The following EBF1 variants were observed in gnomAD, a reference collection of about 807,000 sequenced individuals.
EBF1 encodes EBF transcription factor 1, also known as transcription factor COE1.
In EBF1, 10 loss-of-function variants were observed where a neutral mutation model predicts 68.4. The observed-to-expected ratio is 0.15, with a 90% CI of 0.09 to 0.25. The LOEUF is 0.25. Ranked by LOEUF, EBF1 falls within the 10% of genes least tolerant of loss-of-function variation. The probability of loss-of-function intolerance (pLI) is 1.00; values close to 1 mark genes in which losing one functional copy is unlikely to be tolerated. For synonymous variants in EBF1, 298 were observed against 299.8 expected (o/e 0.99, Z 0.06); for missense variants, 509 against 794.4 (o/e 0.64, Z 4.32).
chr5:159,004,351 TAA>T (rs931827584), intron 6 of EBF1, among the ~76,000 whole-genome samples: 15 of 151,956 alleles, frequency 9.9e-5, no homozygotes, highest in Non-Finnish European at 2.2e-4. Context: ...CTGACTATAT[TAA>T]GTCAGCAAAG....
intron 10 of EBF1, among the ~76,000 whole-genome samples, chr5:158,747,306 C>T (rs564267090): frequency 3.8e-4 from 58 of 152,276 alleles, no homozygotes; most frequent in African/African-American, 1.3e-3. Flanking sequence ...TTCACTTTTG[C>T]AAACTTAATT....
At chr5:158,795,194 G>C (rs897824177) in intron 9 of EBF1, among the ~76,000 whole-genome samples, 2 of 152,154 alleles carry the variant, frequency 1.3e-5, no homozygotes, top group African/African-American at 4.8e-5. Flanking sequence ...GGCCCCTCTA[G>C]AGAGAAAACA....
chr5:158,916,001 A>T (rs1166229558), intron 6 of EBF1, among the ~76,000 whole-genome samples: 1 of 152,128 alleles, frequency 6.6e-6, no homozygotes, highest in Non-Finnish European at 1.5e-5. Context: ...TTGCCTTTTC[A>T]TGCCTTCAAC....
intron 9 of EBF1, among the ~76,000 whole-genome samples, chr5:158,791,662 C>G (rs1325325123): frequency 6.6e-6 from 1 of 151,964 alleles, no homozygotes; most frequent in Non-Finnish European, 1.5e-5. Flanking sequence ...GCCTAACATA[C>G]CTAACACAGA....
intron 10 of EBF1, 82 bp downstream of exon 10, chr5:158,777,331 A>C (rs1440087361): frequency 7.5e-7 from 1 of 1,333,234 alleles, no homozygotes; most frequent in Non-Finnish European, 9.8e-7. Context: ...AATAAAATAC[A>C]TGCTTTTATA....
chr5:158,950,731 A>C (rs775465157), intron 6 of EBF1, among the ~76,000 whole-genome samples: 3 of 152,226 alleles, frequency 2.0e-5, no homozygotes, highest in Non-Finnish European at 4.4e-5. Context: ...CATCATGACT[A>C]TACCACCAGC....
At position 158,823,327 on chromosome 5, in the gene EBF1, T is replaced by A. The variant is rs1388298845; in HGVS notation, c.637-10A>T. On this transcript the variant is annotated splice_polypyrimidine_tract_variant and intron_variant, in intron 7 of 15. Transcript: ENST00000313708. ...TCGTAGACACCACGACCTGGAGACA[T>A]AAGAAAGAAATGAATGAACATTTTA... 1 of 1,596,852 alleles carries A rather than the reference T, an allele frequency of 6.3e-7. No homozygotes were observed. The highest frequency in any genetic ancestry group is 2.2e-5 in the East Asian group (1 of 44,662).
intron 6 of EBF1, among the ~76,000 whole-genome samples, chr5:159,053,589 C>CCT (rs749364237): frequency 0.024 from 3,541 of 147,294 alleles, 91 homozygotes; most frequent in African/African-American, 0.073. Flanking sequence ...CCCCTCTCTC[C>CCT]CTCTCTCTCT....
chr5:159,014,942 G>T (rs1765371075), intron 6 of EBF1, among the ~76,000 whole-genome samples: 4 of 152,140 alleles, frequency 2.6e-5, no homozygotes, highest in Non-Finnish European at 4.4e-5. Flanking sequence ...AGGGCTTTGG[G>T]GGAAAGAGCT....
At chr5:158,790,265 C>T (rs911269557) in intron 9 of EBF1, among the ~76,000 whole-genome samples, 3 of 152,152 alleles carry the variant, frequency 2.0e-5, no homozygotes, top group Non-Finnish European at 2.9e-5. Context: ...CTGACTAAAA[C>T]CAGATGCAAA....
chr5:158,801,743 C>T (rs1282218923), intron 8 of EBF1, among the ~76,000 whole-genome samples: 1 of 151,840 alleles, frequency 6.6e-6, no homozygotes, highest in Non-Finnish European at 1.5e-5. Flanking sequence ...TGTGTGCAGA[C>T]AACTGCACCA....
At chr5:158,969,653 T>C (rs940209278) in intron 6 of EBF1, among the ~76,000 whole-genome samples, 7 of 149,598 alleles carry the variant, frequency 4.7e-5, no homozygotes, top group Non-Finnish European at 7.4e-5. Flanking sequence ...CAGGCACCTG[T>C]AGTCCCAGCT....
chr5:158,709,009 G>A (rs116212882), intron 14 of EBF1, among the ~76,000 whole-genome samples: 1,777 of 152,230 alleles, frequency 0.012, 19 homozygotes, highest in Admixed American at 0.018. Flanking sequence ...GAAAGAGCTC[G>A]GTAGACGTAC....
intron 15 of EBF1, chr5:158,707,512 C>T (rs1560044): frequency 0.65 from 151,092 of 232,392 alleles, 50,832 homozygotes; most frequent in East Asian, 0.96. Context: ...CTGTTATCAG[C>T]CCCACACACG....
intron 10 of EBF1, among the ~76,000 whole-genome samples, chr5:158,742,581 A>T (rs1030525533): frequency 1.3e-5 from 2 of 152,362 alleles, no homozygotes; most frequent in African/African-American, 2.4e-5. Context: ...ACTCTCAAGG[A>T]ACTCCAGAGT....
chr5:158,794,849 T>C (rs1004039544), intron 9 of EBF1, among the ~76,000 whole-genome samples: 5 of 152,232 alleles, frequency 3.3e-5, no homozygotes, highest in South Asian at 2.1e-4. Context: ...TACAACCCAA[T>C]AGTTTCAACA....
chr5:158,905,966 G>A (rs894773541), intron 6 of EBF1, among the ~76,000 whole-genome samples: 25 of 152,122 alleles, frequency 1.6e-4, no homozygotes, highest in Non-Finnish European at 2.1e-4. Flanking sequence ...ACATGCCTTC[G>A]TTAACAGGAG....
intron 1 of EBF1, among the ~76,000 whole-genome samples, chr5:159,098,009 C>T (rs1451273507): frequency 6.6e-6 from 1 of 152,266 alleles, no homozygotes; most frequent in Non-Finnish European, 1.5e-5. Context: ...ACCCAATTCA[C>T]TCTCACTACC....
At chr5:159,024,580 G>A (rs946071430) in intron 6 of EBF1, among the ~76,000 whole-genome samples, 2 of 152,216 alleles carry the variant, frequency 1.3e-5, no homozygotes, top group African/African-American at 4.8e-5. Context: ...CAAGGATGGA[G>A]GCTTGTCCCT....
Sources: allele counts gnomAD v4.1 joint callset (sites outside exome capture counted in the v4.1 genomes callset), GRCh38; gene constraint gnomAD v4.1.1; transcripts MANE v1.5; gene names NCBI Gene and HGNC (gene_info 2026-07-23, HGNC 2026-07-21).